DPY19L1: variants seen among roughly 807,000 people sequenced by gnomAD.
DPY19L1 encodes the protein protein C-mannosyl-transferase DPY19L1.
In DPY19L1, 35 loss-of-function variants were observed where a neutral mutation model predicts 96.9. The ratio of observed to expected loss-of-function variants is 0.36; its 90% confidence interval spans 0.28 to 0.48. DPY19L1 has a LOEUF of 0.48. Among genes scored for constraint, DPY19L1 ranks in the 20% least tolerant of loss-of-function variants. The probability of loss-of-function intolerance (pLI) is 0.99; values close to 1 mark genes in which losing one functional copy is unlikely to be tolerated. For synonymous variants in DPY19L1, 205 were observed against 252.6 expected (o/e 0.81, Z 1.79); for missense variants, 521 against 777.9 (o/e 0.67, Z 3.93).
At chr7:34,950,421 A>C (rs1784245756) in intron 13 of DPY19L1, among the ~76,000 whole-genome samples, 1 of 152,200 alleles carries the variant, frequency 6.6e-6, no homozygotes, top group South Asian at 2.1e-4. Context: ...GTTATCAAGG[A>C]TTCTCACTCA....
intron 21 of DPY19L1, 50 bp downstream of exon 21, chr7:34,937,944 T>G (rs773846825): frequency 1.3e-6 from 2 of 1,589,572 alleles, no homozygotes; most frequent in South Asian, 2.2e-5. Flanking sequence ...TGTGCTTGAA[T>G]TAACCTTCAT....
At chr7:34,963,725 T>C (rs1004492716) in intron 10 of DPY19L1, among the ~76,000 whole-genome samples, 8 of 150,902 alleles carry the variant, frequency 5.3e-5, no homozygotes, top group Non-Finnish European at 1.2e-4. Flanking sequence ...TGTGTGTGTG[T>C]CTGTGTACAC....
chr7:34,945,817 A>AT, intron 15 of DPY19L1, 101 bp from the exon 16 acceptor site: 1 of 780,872 alleles, frequency 1.3e-6, no homozygotes, highest in Non-Finnish European at 2.1e-6. Flanking sequence ...TAATGAAAAT[A>AT]TAAGTATAGA....
chr7:35,019,905 T>TTA (rs1785952079), intron 1 of DPY19L1, among the ~76,000 whole-genome samples: 1 of 152,166 alleles, frequency 6.6e-6, no homozygotes, highest in South Asian at 2.1e-4. Flanking sequence ...ATGACTATAA[T>TTA]CCCAGCTACT....
intron 4 of DPY19L1, 35 bp downstream of exon 4, chr7:35,013,533 A>G (rs778337420): frequency 9.4e-6 from 15 of 1,593,864 alleles, no homozygotes; most frequent in Non-Finnish European, 1.2e-5. Context: ...AGTTTTTACA[A>G]AAGTGAAAAA....
At chr7:34,983,647 A>T (rs1420790026) in intron 7 of DPY19L1, among the ~76,000 whole-genome samples, 2 of 148,250 alleles carry the variant, frequency 1.3e-5, no homozygotes, top group Non-Finnish European at 3.0e-5. Context: ...ACATGGCAAG[A>T]GAAAATACCC....
intron 1 of DPY19L1, among the ~76,000 whole-genome samples, chr7:35,029,076 C>G (rs1318166499): frequency 6.6e-6 from 1 of 152,180 alleles, no homozygotes; most frequent in African/African-American, 2.4e-5. Flanking sequence ...TTGCTGACCT[C>G]CCATCTTATC....
intron 21 of DPY19L1, among the ~76,000 whole-genome samples, chr7:34,935,799 G>A (rs1274484792): frequency 6.6e-6 from 1 of 152,194 alleles, no homozygotes; most frequent in East Asian, 1.9e-4. Flanking sequence ...TACTCTAAAT[G>A]TAAACACTAG....
intron 15 of DPY19L1, among the ~76,000 whole-genome samples, chr7:34,946,808 T>C (rs1397499687): frequency 1.3e-5 from 2 of 152,250 alleles, no homozygotes; most frequent in African/African-American, 4.8e-5. Flanking sequence ...CAGTTCTGTA[T>C]GTTAAAATGG....
chr7:34,973,475 T>C, intron 8 of DPY19L1, 39 bp downstream of exon 8: 1 of 1,306,940 alleles, frequency 7.7e-7, no homozygotes, highest in Non-Finnish European at 1.0e-6. Context: ...TAGTTAAAAT[T>C]ATTTAATGCA....
intron 6 of DPY19L1, among the ~76,000 whole-genome samples, chr7:34,995,497 T>C (rs328921): frequency 0.5 from 76,073 of 151,882 alleles, 19,412 homozygotes; most frequent in Admixed American, 0.63. Context: ...AAAAATAAAG[T>C]TAAAAAGGAC....
intron 8 of DPY19L1, among the ~76,000 whole-genome samples, chr7:34,970,186 G>T (rs1173539212): frequency 6.6e-6 from 1 of 152,132 alleles, no homozygotes; most frequent in Non-Finnish European, 1.5e-5. Context: ...TCACAGAAGT[G>T]GAGTGTGCAT....
At chr7:34,945,324 C>T (rs1394737385) in intron 16 of DPY19L1, among the ~76,000 whole-genome samples, 1 of 151,992 alleles carries the variant, frequency 6.6e-6, no homozygotes, top group East Asian at 1.9e-4. Context: ...TTTATATTTC[C>T]CTGCTCATTT....
chr7:34,990,224 T>C (rs748962208), intron 6 of DPY19L1, among the ~76,000 whole-genome samples: 5 of 152,250 alleles, frequency 3.3e-5, no homozygotes, highest in Non-Finnish European at 5.9e-5. Flanking sequence ...GTCATATTAC[T>C]GTACATCACG....
intron 1 of DPY19L1, among the ~76,000 whole-genome samples, chr7:35,024,674 T>C (rs1227019089): frequency 1.3e-5 from 2 of 152,226 alleles, no homozygotes; most frequent in African/African-American, 4.8e-5. Context: ...AGTGCTTTAA[T>C]GATTCTGTGC....
intron 13 of DPY19L1, among the ~76,000 whole-genome samples, chr7:34,952,357 G>A (rs1784285918): frequency 6.6e-6 from 1 of 152,092 alleles, no homozygotes; most frequent in South Asian, 2.1e-4. Context: ...GTTCACTCCA[G>A]ATGAACTGGA....
At chr7:35,012,659 G>A (rs1462395135) in intron 4 of DPY19L1, among the ~76,000 whole-genome samples, 2 of 151,722 alleles carry the variant, frequency 1.3e-5, no homozygotes, top group East Asian at 3.9e-4. Context: ...AAAAAATTAT[G>A]ATTATAAAAA....
chr7:34,939,428 G>A lies in DPY19L1; in HGVS notation c.1865-53C>T. 4 of 1,472,902 alleles carry A rather than the reference G, an allele frequency of 2.7e-6. No homozygotes were observed. In the South Asian group the frequency reaches 4.6e-5, roughly 17 times the overall value. 91.2% of individuals were successfully genotyped at this position (1,472,902 alleles called of 1,614,324 possible). ...AGACACTCAGTGAAGGCGAGAAGGT[G>A]TCTCCTTCAAGTGTAAATCAATTAT... On this transcript the variant is annotated intron_variant, in intron 19 of 21. Coordinates refer to ENST00000638088, the MANE Select transcript of DPY19L1 (RefSeq NM_001366673.1).
chr7:34,978,979 T>C (rs1335213112), intron 7 of DPY19L1, among the ~76,000 whole-genome samples: 1 of 152,120 alleles, frequency 6.6e-6, no homozygotes, highest in Non-Finnish European at 1.5e-5. Context: ...AATACAATTT[T>C]AGCTCACACA....
Sources: allele counts gnomAD v4.1 joint callset (sites outside exome capture counted in the v4.1 genomes callset), GRCh38; gene constraint gnomAD v4.1.1; transcripts MANE v1.5; gene names NCBI Gene and HGNC (gene_info 2026-07-23, HGNC 2026-07-21).